Variants in APBB2 observed in about 807,000 individuals in gnomAD.
The protein encoded by APBB2 is Fe65-like 1.
Under a neutral mutation model 82.5 loss-of-function variants are expected in APBB2, and 38 were observed. That is an observed-to-expected ratio of 0.46 (90% CI 0.36 to 0.60). The LOEUF is 0.60. Among genes scored for constraint, APBB2 ranks in the 20% least tolerant of loss-of-function variants. APBB2 has a pLI of 0.00. For missense variants in APBB2, 772 were observed against 972.3 expected (o/e 0.79, Z 2.74); for synonymous variants, 341 against 368.2 (o/e 0.93, Z 0.85).
chr4:41,159,099 A>C (rs1764195089), intron 1 of APBB2, among the ~76,000 whole-genome samples: 2 of 152,248 alleles, frequency 1.3e-5, no homozygotes, highest in South Asian at 4.1e-4. Context: ...AGATGTAGGA[A>C]GGAGTTCTCC....
At chr4:40,903,544 A>C (rs1775910574) in intron 10 of APBB2, among the ~76,000 whole-genome samples, 1 of 152,248 alleles carries the variant, frequency 6.6e-6, no homozygotes, top group Non-Finnish European at 1.5e-5. Flanking sequence ...TTGATGCACC[A>C]GCAAAGGGCC....
intron 2 of APBB2, among the ~76,000 whole-genome samples, chr4:41,137,613 T>C (rs2154014835): frequency 6.6e-6 from 1 of 152,212 alleles, no homozygotes; most frequent in East Asian, 1.9e-4. Context: ...ACTTTTTTCA[T>C]AGAAAAATTG....
chr4:40,969,816 T>C (rs755537624), intron 6 of APBB2, among the ~76,000 whole-genome samples: 1 of 152,196 alleles, frequency 6.6e-6, no homozygotes, highest in African/African-American at 2.4e-5. Context: ...AAAGGGAACA[T>C]GTTTCAACCC....
chr4:41,062,082 G>A (rs1730048301), intron 4 of APBB2, among the ~76,000 whole-genome samples: 2 of 152,248 alleles, frequency 1.3e-5, no homozygotes, highest in Admixed American at 1.3e-4. Flanking sequence ...GGCAGCAAGG[G>A]CTGCTAAGGT....
chr4:40,961,667 TAAAAAAAAAAAAAAA>T (rs60942744), intron 6 of APBB2, among the ~76,000 whole-genome samples: 1,854 of 68,412 alleles, frequency 0.027, 23 homozygotes, highest in Middle Eastern at 0.06. Flanking sequence ...AAAAAAGATG[TAAAAAAAAAAAAAAA>T]AAAAAAAAAA....
At chr4:41,187,912 A>T (rs1360964319) in intron 1 of APBB2, among the ~76,000 whole-genome samples, 3 of 152,244 alleles carry the variant, frequency 2.0e-5, no homozygotes, top group Non-Finnish European at 4.4e-5. Flanking sequence ...ATACATAAAC[A>T]TCTATTGAGA....
chr4:40,984,996 A>G (rs950382779), intron 6 of APBB2, among the ~76,000 whole-genome samples: 3 of 151,948 alleles, frequency 2.0e-5, no homozygotes, highest in African/African-American at 7.3e-5. Flanking sequence ...ATCATGGCTC[A>G]CTGCAGCCTC....
intron 6 of APBB2, among the ~76,000 whole-genome samples, chr4:41,003,259 C>A (rs1805730724): frequency 6.6e-6 from 1 of 152,218 alleles, no homozygotes; most frequent in African/African-American, 2.4e-5. Flanking sequence ...CCCAAACTAT[C>A]TAGAAGTCCC....
chr4:40,864,853 CTTTTTTTT>C (rs571511868), intron 12 of APBB2, among the ~76,000 whole-genome samples: 4 of 125,264 alleles, frequency 3.2e-5, no homozygotes, highest in African/African-American at 9.0e-5. Context: ...ACGTTTGATT[CTTTTTTTT>C]TTTTTTTTTT....
At chr4:40,907,619 C>A (rs1383807963) in intron 10 of APBB2, among the ~76,000 whole-genome samples, 1 of 150,364 alleles carries the variant, frequency 6.7e-6, no homozygotes, top group Non-Finnish European at 1.5e-5. Context: ...GATCTGCCCA[C>A]CTTGGCCTCC....
At chr4:41,051,998 C>T (rs1163163186) in intron 4 of APBB2, among the ~76,000 whole-genome samples, 3 of 152,122 alleles carry the variant, frequency 2.0e-5, no homozygotes, top group Non-Finnish European at 4.4e-5. Flanking sequence ...ATGGTGATGG[C>T]ACACAGTAAT....
At position 40,887,646 on chromosome 4, in the gene APBB2, C is replaced by T. The variant is rs999342183; in HGVS notation, c.1529+2718G>A. Among the ~76,000 whole-genome samples the T allele has an allele frequency of 3.3e-5, 5 of 152,282 alleles. No individual in the cohort carries two copies. In the East Asian group the frequency reaches 7.7e-4, roughly 23 times the overall value. On this transcript the variant is annotated intron_variant, in intron 12 of 17. Transcript: ENST00000508593. ...AACTCAGGGGACCAATGGGGAGAAA[C>T]AGAACCTTTCACTGGCAAACACACT...
chr4:40,970,337 A>G (rs1299811341), intron 6 of APBB2, among the ~76,000 whole-genome samples: 2 of 152,178 alleles, frequency 1.3e-5, no homozygotes, highest in East Asian at 1.9e-4. Context: ...TTCCTTTCGC[A>G]TGGCACTGCA....
intron 10 of APBB2, among the ~76,000 whole-genome samples, chr4:40,932,562 C>T (rs557841421): frequency 6.6e-6 from 1 of 152,230 alleles, no homozygotes; most frequent in South Asian, 2.1e-4. Context: ...TGCGATGTTA[C>T]TTGTAGACAC....
intron 10 of APBB2, among the ~76,000 whole-genome samples, chr4:40,911,562 C>G (rs1295169633): frequency 6.6e-6 from 1 of 152,162 alleles, no homozygotes. Context: ...ACACTGTAGG[C>G]CACAGGGCCA....
At chr4:41,093,582 G>A (rs923085776) in intron 3 of APBB2, among the ~76,000 whole-genome samples, 1 of 152,050 alleles carries the variant, frequency 6.6e-6, no homozygotes, top group Non-Finnish European at 1.5e-5. Context: ...GGCCGGGCGC[G>A]GTGGCTCATG....
intron 10 of APBB2, among the ~76,000 whole-genome samples, chr4:40,918,604 G>T (rs1780424343): frequency 6.6e-6 from 1 of 152,204 alleles, no homozygotes; most frequent in African/African-American, 2.4e-5. Flanking sequence ...GGGAGAAGCA[G>T]CAGAGGAACT....
intron 1 of APBB2, among the ~76,000 whole-genome samples, chr4:41,172,224 C>G (rs1389844117): frequency 6.6e-6 from 1 of 152,094 alleles, no homozygotes; most frequent in African/African-American, 2.4e-5. Context: ...TCCAGCACCC[C>G]CCGCCCCAGG....
intron 3 of APBB2, among the ~76,000 whole-genome samples, chr4:41,083,242 T>C (rs115192242): frequency 0.014 from 2,111 of 152,094 alleles, 52 homozygotes; most frequent in African/African-American, 0.049. Context: ...AAAAAATAAG[T>C]AGACCAAAGT....
Sources: gnomAD v4.1 joint callset for allele counts (sites outside exome capture counted in the v4.1 genomes callset) on GRCh38, gnomAD v4.1.1 for gene constraint, MANE v1.5 for transcripts, NCBI Gene and HGNC (gene_info 2026-07-23, HGNC 2026-07-21) for gene names.